Variants in CEMIP observed in about 807,000 individuals in gnomAD.
CEMIP encodes the protein cell migration-inducing and hyaluronan-binding protein.
CEMIP carries 105 observed loss-of-function variants against 156.9 expected under a neutral mutation model. The ratio of observed to expected loss-of-function variants is 0.67; its 90% confidence interval spans 0.57 to 0.79. The LOEUF (loss-of-function observed/expected upper bound fraction) is 0.79. Among genes scored for constraint, CEMIP ranks in the 30% least tolerant of loss-of-function variants. The pLI is 0.00. For synonymous variants in CEMIP, 676 were observed against 668.4 expected (o/e 1.01, Z -0.17); for missense variants, 1,457 against 1,769.4 (o/e 0.82, Z 3.17).
chr15:80,853,258 G>C (rs1245611038), intron 1 of CEMIP, among the ~76,000 whole-genome samples: 1 of 152,174 alleles, frequency 6.6e-6, no homozygotes, highest in Non-Finnish European at 1.5e-5. Flanking sequence ...CAAATGGAAA[G>C]GGGGGAAAAG....
chr15:80,893,198 TG>T (rs202122419), intron 10 of CEMIP, among the ~76,000 whole-genome samples: 11 of 120,110 alleles, frequency 9.2e-5, no homozygotes, highest in Non-Finnish European at 9.5e-5. Flanking sequence ...AATAAATAAA[TG>T]AAATGAAATG....
intron 17 of CEMIP, 29 bp downstream of exon 17, chr15:80,922,166 G>A (rs769435441): frequency 6.2e-7 from 1 of 1,613,502 alleles, no homozygotes; most frequent in Non-Finnish European, 8.5e-7. Context: ...CGCCTCTCTG[G>A]CCAGCCTCTC....
chr15:80,837,779 G>A (rs1016880026), intron 1 of CEMIP, among the ~76,000 whole-genome samples: 2 of 152,198 alleles, frequency 1.3e-5, no homozygotes, highest in African/African-American at 2.4e-5. Flanking sequence ...GCTGTTGGGG[G>A]CAAAGTTGCC....
chr15:80,832,578 G>C (rs1897181349), intron 1 of CEMIP, among the ~76,000 whole-genome samples: 1 of 152,078 alleles, frequency 6.6e-6, no homozygotes, highest in Non-Finnish European at 1.5e-5. Context: ...TACATGTCAG[G>C]ATTTGCCACT....
intron 12 of CEMIP, among the ~76,000 whole-genome samples, chr15:80,904,157 C>A (rs1342494834): frequency 6.6e-6 from 1 of 152,226 alleles, no homozygotes; most frequent in East Asian, 1.9e-4. Context: ...ATCTGCATAT[C>A]AGGGAGTAAG....
intron 14 of CEMIP, among the ~76,000 whole-genome samples, chr15:80,910,342 G>A (rs1438867863): frequency 2.6e-5 from 4 of 152,158 alleles, no homozygotes; most frequent in East Asian, 3.9e-4. Context: ...CAGGCCTACC[G>A]TGGCTGTTAC....
At chr15:80,931,735 G>A in intron 21 of CEMIP, 124 bp from the exon 22 acceptor site, 2 of 885,962 alleles carry the variant, frequency 2.3e-6, no homozygotes, top group Non-Finnish European at 1.9e-6. Flanking sequence ...GTTTTACCCA[G>A]GAAGTCTCTG....
At chr15:80,815,131 A>G (rs1452885139) in intron 1 of CEMIP, among the ~76,000 whole-genome samples, 1 of 152,278 alleles carries the variant, frequency 6.6e-6, no homozygotes, top group Non-Finnish European at 1.5e-5. Flanking sequence ...TATACCCTGC[A>G]TGTAAGACAG....
rs1472193818 is a variant in CEMIP at position 80,942,005 on chromosome 15, G to C, written c.3564G>C (p.Arg1188Ser). 11 of 1,613,946 alleles carry C rather than the reference G, an allele frequency of 6.8e-6. No homozygotes were observed. The highest frequency in any genetic ancestry group is 8.5e-6 in the Non-Finnish European group (10 of 1,179,998). Residue 1188 changes from arginine to serine, a missense_variant, in exon 26 of 30, where the codon AGG becomes AGC. By Grantham distance (110) the Arg-to-Ser change is moderately radical. Transcript: ENST00000394685. ...CAGCTTACCCCAAGTTCACCGAGAG[G>C]GCTGTCGTAGACGTGCCGATGCCCA... is the stretch of plus-strand genomic sequence containing the variant. ...TATAYPKFTE[R>S]AVVDVPMPKK...
intron 1 of CEMIP, among the ~76,000 whole-genome samples, chr15:80,785,798 T>C (rs559868325): frequency 6.6e-6 from 1 of 152,286 alleles, no homozygotes; most frequent in East Asian, 1.9e-4. Flanking sequence ...TGAAGTTTCT[T>C]ACCTGCCTCA....
At chr15:80,926,836 C>CTTT (rs796068914) in intron 19 of CEMIP, among the ~76,000 whole-genome samples, 2,549 of 106,772 alleles carry the variant, frequency 0.024, 203 homozygotes, top group African/African-American at 0.13. Flanking sequence ...GGGGGGTCTT[C>CTTT]TTTTTTTTTT....
chr15:80,933,245 A>G lies in CEMIP; in HGVS notation c.2794A>G (p.Ile932Val), dbSNP rs757192841. 1.2e-6 allele frequency: 2 copies of G among 1,613,906 alleles called. No individual in the cohort carries two copies. Among genetic ancestry groups the G allele is most frequent in the East Asian group, 2.2e-5 (1 of 44,886 alleles). The change falls in exon 23 of 30, where the codon ATT becomes GTT. Residue 932 changes from isoleucine (I) to valine (V), a missense_variant and splice_region_variant. By Grantham distance (29) the Ile-to-Val change is conservative. This residue lies in a region of CEMIP where 798 missense variants were observed against 980.1 expected (regional missense o/e 0.81). Coordinates refer to ENST00000394685, the MANE Select transcript of CEMIP (RefSeq NM_001293298.2). The part of the protein sequence containing the change: ...VTGIAFEDVP[I>V]TSRVFFGEPG... ...CCTAACTTTCCTGGGCTCTGTTTAG[A>G]TTACTTCCAGAGTGTTCTTCGGAGA... is the stretch of plus-strand genomic sequence containing the variant.
chr15:80,940,391 A>G (rs1404374749), intron 25 of CEMIP, among the ~76,000 whole-genome samples: 6 of 152,254 alleles, frequency 3.9e-5, no homozygotes, highest in Non-Finnish European at 7.3e-5. Flanking sequence ...CAGAAGCCTC[A>G]GGACCAATCC....
chr15:80,848,900 G>GCACACACACACA (rs3221932), intron 1 of CEMIP, among the ~76,000 whole-genome samples: 11,860 of 134,470 alleles, frequency 0.088, 660 homozygotes, highest in Admixed American at 0.094. Flanking sequence ...GTGTGCGCGT[G>GCACACACACACA]CACACACACA....
chr15:80,887,466 G>A (rs1416953131), intron 7 of CEMIP, among the ~76,000 whole-genome samples: 3 of 152,162 alleles, frequency 2.0e-5, no homozygotes, highest in African/African-American at 7.2e-5. Context: ...CTCACAGGGA[G>A]CAAACATCAG....
intron 12 of CEMIP, among the ~76,000 whole-genome samples, chr15:80,900,058 C>T (rs192428788): frequency 6.6e-5 from 10 of 152,262 alleles, no homozygotes; most frequent in Non-Finnish European, 1.0e-4. Context: ...GAGAGGTGCT[C>T]GGGGTTTCTT....
intron 29 of CEMIP, 120 bp downstream of exon 29, chr15:80,947,185 A>G: frequency 1.5e-6 from 1 of 684,046 alleles, no homozygotes; most frequent in Non-Finnish European, 2.7e-6. Flanking sequence ...ACGTGGGTAC[A>G]ACCTAAGAAT....
chr15:80,878,722 G>T lies in CEMIP; in HGVS notation c.96G>T (p.Val32=). ...LTCFPGATST[V]AAGCPDQSPE... The stretch of plus-strand genomic sequence containing the variant: ...GTGACATCTCTCTGTCCTTGGCAGT[G>T]GCTGCTGGGTGCCCTGACCAGAGCC... The change falls in exon 4 of 30, where the codon GTG becomes GTT. Residue 32 remains valine, a splice_region_variant and synonymous_variant. Transcript: ENST00000394685. 6.2e-7 allele frequency: 1 copy of T among 1,614,110 alleles called. No individual in the cohort carries two copies. Among genetic ancestry groups the T allele is most frequent in the Non-Finnish European group, 8.5e-7 (1 of 1,180,020 alleles).
chr15:80,894,599 AC>A (rs1443596600), intron 10 of CEMIP, among the ~76,000 whole-genome samples: 1 of 152,158 alleles, frequency 6.6e-6, no homozygotes, highest in African/African-American at 2.4e-5. Flanking sequence ...GGGATGCAGA[AC>A]CATGTTTGGA....
Sources: allele counts gnomAD v4.1 joint callset (sites outside exome capture counted in the v4.1 genomes callset), GRCh38; gene constraint gnomAD v4.1.1; regional missense constraint gnomAD v4.1.1; transcripts MANE v1.5; gene names NCBI Gene and HGNC (gene_info 2026-07-23, HGNC 2026-07-21).